The following CNOT10 variants were observed in gnomAD, a reference collection of about 807,000 sequenced individuals.
The protein encoded by CNOT10 is CCR4-NOT transcription complex, subunit 10.
CNOT10 carries 30 observed loss-of-function variants against 94.6 expected under a neutral mutation model. The ratio of observed to expected loss-of-function variants is 0.32; its 90% CI spans 0.24 to 0.43. CNOT10 has a LOEUF of 0.43. Among genes scored for constraint, CNOT10 ranks in the 20% least tolerant of loss-of-function variants. The pLI is 1.00. For missense variants in CNOT10, 759 were observed against 877.2 expected, an observed-to-expected ratio of 0.87 and a Z score of 1.70; for synonymous variants, 289 against 301.6, an observed-to-expected ratio of 0.96 and a Z score of 0.43.
intron 13 of CNOT10, among the ~76,000 whole-genome samples, chr3:32,748,436 A>G (rs1037148705): frequency 5.3e-5 from 8 of 152,202 alleles, no homozygotes; most frequent in African/African-American, 1.9e-4. Context: ...TGCTGCATAC[A>G]TTTGGGAGAC....
chr3:32,709,542 T>A (rs1372132774), intron 4 of CNOT10, among the ~76,000 whole-genome samples: 1 of 152,208 alleles, frequency 6.6e-6, no homozygotes, highest in African/African-American at 2.4e-5. Flanking sequence ...GATAGCGCTC[T>A]GTGGTTCTTT....
chr3:32,738,291 A>G (rs1038747061), intron 13 of CNOT10, among the ~76,000 whole-genome samples: 1 of 152,112 alleles, frequency 6.6e-6, no homozygotes, highest in African/African-American at 2.4e-5. Context: ...AGTTTACCAT[A>G]TAACAAACCT....
At chr3:32,769,764 C>T in intron 17 of CNOT10, 123 bp from the exon 18 acceptor site, 1 of 725,598 alleles carries the variant, frequency 1.4e-6, no homozygotes, top group Non-Finnish European at 2.5e-6. Context: ...AACAGGTAGT[C>T]CCTAGGAAGT....
At chr3:32,768,933 G>A (rs1286849217) in intron 17 of CNOT10, 1 of 152,316 alleles carries the variant, frequency 6.6e-6, no homozygotes, top group African/African-American at 2.4e-5. Context: ...GACTAAAGCA[G>A]GCCTCCCTTA....
At chr3:32,719,712 A>G (rs1405270900) in intron 7 of CNOT10, among the ~76,000 whole-genome samples, 1 of 152,136 alleles carries the variant, frequency 6.6e-6, no homozygotes, top group Non-Finnish European at 1.5e-5. Flanking sequence ...TGTAGGTTCT[A>G]ATGAAAGGTG....
chr3:32,696,938 AC>A (rs2125500272), intron 1 of CNOT10, among the ~76,000 whole-genome samples: 1 of 148,664 alleles, frequency 6.7e-6, no homozygotes, highest in South Asian at 2.1e-4. Context: ...TAGGAGACTT[AC>A]ATTTTCTTTT....
intron 2 of CNOT10, 96 bp downstream of exon 2, chr3:32,704,058 G>A: frequency 1.5e-6 from 1 of 679,286 alleles, no homozygotes; most frequent in Non-Finnish European, 2.4e-6. Flanking sequence ...TTTTTACTCT[G>A]TAATAATTCA....
chr3:32,720,095 T>C lies in CNOT10; in HGVS notation c.745-19T>C. On this transcript the variant is annotated intron_variant, in intron 7 of 18. Transcript: ENST00000328834. ...CGTCTGAAAACAAATTATAAGTAAC[T>C]TTTATATTTTCTCTACAGTCCGCAC... 1 of 1,311,898 alleles carries C rather than the reference T, an allele frequency of 7.6e-7. No homozygotes were observed. Among genetic ancestry groups the C allele is most frequent in the South Asian group, 1.6e-5 (1 of 64,330 alleles). The allele number at this position is 1,311,898 out of a possible 1,614,324, so 81.3% of individuals were successfully genotyped here.
At chr3:32,750,210 A>C (rs1300704331) in intron 13 of CNOT10, among the ~76,000 whole-genome samples, 1 of 152,022 alleles carries the variant, frequency 6.6e-6, no homozygotes, top group Non-Finnish European at 1.5e-5. Context: ...TCAAAAAAGT[A>C]AGGCCTGGGC....
intron 8 of CNOT10, among the ~76,000 whole-genome samples, chr3:32,723,809 C>T (rs867550832): frequency 2.2e-4 from 33 of 152,178 alleles, no homozygotes; most frequent in African/African-American, 7.5e-4. Flanking sequence ...CAGCCAGGAA[C>T]GGTGCTCACA....
chr3:32,770,858 C>A (rs1294608013), intron 18 of CNOT10, among the ~76,000 whole-genome samples: 1 of 151,952 alleles, frequency 6.6e-6, no homozygotes, highest in Non-Finnish European at 1.5e-5. Flanking sequence ...GGATTACAGG[C>A]ACCCACCAAC....
chr3:32,732,093 A>G (rs894387688), intron 10 of CNOT10, among the ~76,000 whole-genome samples: 4 of 151,576 alleles, frequency 2.6e-5, no homozygotes, highest in African/African-American at 9.7e-5. Context: ...AAATAAATAA[A>G]TAAAAGATTT....
intron 15 of CNOT10, chr3:32,764,212 C>T (rs1700567214): frequency 2.2e-6 from 1 of 449,168 alleles, no homozygotes; most frequent in Non-Finnish European, 3.9e-6. Context: ...TGGCACATGC[C>T]TGTAATCCCA....
At chr3:32,714,598 A>T (rs1226210409) in intron 5 of CNOT10, among the ~76,000 whole-genome samples, 1 of 152,042 alleles carries the variant, frequency 6.6e-6, no homozygotes, top group Non-Finnish European at 1.5e-5. Flanking sequence ...AATTCCAACT[A>T]CTCAGGAGGT....
At chr3:32,703,359 G>T (rs1470576642) in intron 1 of CNOT10, among the ~76,000 whole-genome samples, 6 of 152,048 alleles carry the variant, frequency 3.9e-5, no homozygotes, top group Non-Finnish European at 8.8e-5. Context: ...AGGGTCCTCC[G>T]GTGGATACTT....
intron 10 of CNOT10, 79 bp downstream of exon 10, chr3:32,727,949 ACCTTG>A: frequency 6.0e-5 from 57 of 948,996 alleles, no homozygotes; most frequent in Non-Finnish European, 8.5e-5. Flanking sequence ...AAAAAAAAAA[ACCTTG>A]GAAACATACA....
intron 10 of CNOT10, chr3:32,730,610 G>A (rs965779523): frequency 2.0e-5 from 3 of 152,076 alleles, no homozygotes; most frequent in Admixed American, 6.5e-5. Context: ...ATCCCAATAC[G>A]AGTAATTGTA....
intron 7 of CNOT10, among the ~76,000 whole-genome samples, chr3:32,717,704 A>G (rs1698184825): frequency 6.6e-6 from 1 of 152,038 alleles, no homozygotes; most frequent in South Asian, 2.1e-4. Flanking sequence ...TGTCTCTACT[A>G]AAAATACAAA....
intron 8 of CNOT10, among the ~76,000 whole-genome samples, chr3:32,721,429 C>CTTTTTTTTTTTTTT (rs58351356): frequency 2.8e-5 from 2 of 72,608 alleles, no homozygotes; most frequent in African/African-American, 5.6e-5. Flanking sequence ...TTTCTTTCAT[C>CTTTTTTTTTTTTTT]TTTTTTTTTT....
Sources: allele counts gnomAD v4.1 joint callset (sites outside exome capture counted in the v4.1 genomes callset), GRCh38; gene constraint gnomAD v4.1.1; transcripts MANE v1.5; gene names NCBI Gene and HGNC (gene_info 2026-07-23, HGNC 2026-07-21).